Variants in KIRREL3 observed in about 807,000 individuals in gnomAD.
KIRREL3 encodes the protein kin of IRRE-like protein 3.
A neutral mutation model predicts 89.7 loss-of-function variants in KIRREL3; 36 were observed. The ratio of observed to expected loss-of-function variants is 0.40; its 90% CI spans 0.31 to 0.53. The LOEUF (loss-of-function observed/expected upper bound fraction) is 0.53, where lower values mean the gene tolerates loss of function less well. KIRREL3 is among the 20% of genes least tolerant of loss of function. The pLI is 0.49. For synonymous variants in KIRREL3, 445 were observed against 441.4 expected, an observed-to-expected ratio of 1.01 and a Z score of -0.10; for missense variants, 864 against 1,056.6, an observed-to-expected ratio of 0.82 and a Z score of 2.53.
rs113972094 is a variant in KIRREL3, at chr11:126,492,932, G to A, written c.434-19466C>T. Reference sequence around the variant, plus strand: ...GTGGAGGAATTAAGTTAGACATGCCGCAGAACTTCCTGGCCGTGGGCTGAG... The same window carrying A: ...GTGGAGGAATTAAGTTAGACATGCCACAGAACTTCCTGGCCGTGGGCTGAG... On this transcript the variant is annotated intron_variant, in intron 4 of 16. Coordinates refer to ENST00000525144, the MANE Select transcript of KIRREL3 (RefSeq NM_032531.4). This position sits in a 1 kb window ranked among gnomAD's most constrained non-coding sequence, Gnocchi z 4.8. Among the ~76,000 whole-genome samples, 1 of 152,206 alleles carries A rather than the reference G, an allele frequency of 6.6e-6. No individual in the cohort carries two copies. Among genetic ancestry groups the A allele is most frequent in the Non-Finnish European group, 1.5e-5 (1 of 68,038 alleles).
intron 1 of KIRREL3, among the ~76,000 whole-genome samples, chr11:126,644,308 G>A (rs1012222519): frequency 7.2e-5 from 11 of 152,198 alleles, no homozygotes; most frequent in African/African-American, 2.7e-4. Context: ...GAGCCACCAA[G>A]GGAAGTGGGA....
rs1944889889 is a variant in KIRREL3, at chr11:126,651,074, T to A, written c.56-88162A>T. On this transcript the variant is annotated intron_variant, in intron 1 of 16. Transcript: ENST00000525144. This position sits in a 1 kb window ranked among gnomAD's most constrained non-coding sequence, Gnocchi z 4.6. The stretch of plus-strand genomic sequence containing the variant: ...GGGGAAACCACCCCCATGATTCAAA[T>A]TATCTCCCACCGGGTCCCTCCCACA... Among the ~76,000 whole-genome samples, 1 of 152,102 alleles carries A rather than the reference T, an allele frequency of 6.6e-6. No individual in the cohort carries two copies. Among genetic ancestry groups the A allele is most frequent in the Admixed American group, 6.6e-5 (1 of 15,266 alleles).
chr11:126,848,467 C>T (rs1050530680), intron 1 of KIRREL3, among the ~76,000 whole-genome samples: 3 of 152,124 alleles, frequency 2.0e-5, no homozygotes, highest in African/African-American at 7.2e-5. Flanking sequence ...CCGCTTATTC[C>T]TGTAAACCAA....
chr11:126,841,792 T>C (rs186136660), intron 1 of KIRREL3, among the ~76,000 whole-genome samples: 156 of 152,344 alleles, frequency 1.0e-3, no homozygotes, highest in Non-Finnish European at 1.7e-3. Flanking sequence ...TTGGCAGTGG[T>C]CTTCTGAATC....
Position 126,480,037 on chromosome 11 carries a change from T to C in KIRREL3, c.434-6571A>G, listed in dbSNP as rs1370315346. On this transcript the variant is annotated intron_variant, in intron 4 of 16. Transcript: ENST00000525144. ...CACATCCTATGGAAATCTCTCTGTG[T>C]GTGTCTCTTCCCTGAACCATGATCT... 5.3e-5 allele frequency among the ~76,000 whole-genome samples: 8 copies of C among 152,310 alleles called. No individual in the cohort carries two copies. In the East Asian group the frequency reaches 1.5e-3, roughly 29 times the overall value.
intron 1 of KIRREL3, among the ~76,000 whole-genome samples, chr11:126,630,807 G>A (rs1943987919): frequency 6.6e-6 from 1 of 152,118 alleles, no homozygotes. Context: ...ACAGGGCGCT[G>A]AACTCCAGTT....
rs951113467 is a variant in KIRREL3, at chr11:126,755,045, A to G, written c.56-192133T>C. ...TTTAAATTGGGCCCAAGGAACCCAG[A>G]TAAGAGTATCTTAATCAAATAAAAA... On this transcript the variant is annotated intron_variant, in intron 1 of 16. Coordinates refer to ENST00000525144, the MANE Select transcript of KIRREL3 (RefSeq NM_032531.4). This position sits in a 1 kb window ranked among gnomAD's most constrained non-coding sequence, Gnocchi z 4.3. 6.6e-6 allele frequency among the ~76,000 whole-genome samples: 1 copy of G among 152,208 alleles called. No individual in the cohort carries two copies. The highest frequency in any genetic ancestry group is 2.4e-5 in the African/African-American group (1 of 41,452).
Position 126,996,393 on chromosome 11 carries a change from C to T in KIRREL3, c.55+4062G>A, listed in dbSNP as rs1950179623. 6.6e-6 allele frequency among the ~76,000 whole-genome samples: 1 copy of T among 152,168 alleles called. No individual in the cohort carries two copies. The highest frequency in any genetic ancestry group is 1.5e-5 in the Non-Finnish European group (1 of 68,026). Reference sequence around the variant, plus strand: ...CTTTGTTTGCTGATTCCTTCTCTGCCTGTACCCCCTATGATCCCTCCATTC... The same window carrying T: ...CTTTGTTTGCTGATTCCTTCTCTGCTTGTACCCCCTATGATCCCTCCATTC... On this transcript the variant is annotated intron_variant, in intron 1 of 16. Coordinates refer to ENST00000525144, the MANE Select transcript of KIRREL3 (RefSeq NM_032531.4). This position sits in a 1 kb window ranked among gnomAD's most constrained non-coding sequence, Gnocchi z 4.7.
At position 126,696,088 on chromosome 11, in the gene KIRREL3, T is replaced by A. The variant is rs1349260358; in HGVS notation, c.56-133176A>T. Among the ~76,000 whole-genome samples the A allele has an allele frequency of 6.6e-6, 1 of 151,814 alleles. No individual in the cohort carries two copies. The highest frequency in any genetic ancestry group is 1.5e-5 in the Non-Finnish European group (1 of 67,946). On this transcript the variant is annotated intron_variant, in intron 1 of 16. Coordinates refer to ENST00000525144, the MANE Select transcript of KIRREL3 (RefSeq NM_032531.4). The surrounding 1 kb of genome is among the most constrained non-coding windows in gnomAD (Gnocchi z 4.4). ...GACCAACATGGTGAAACCCCATCTCTACTAAAAATACAAAAAAAATTAGCC... is the reference window on the plus strand; with the variant it reads ...GACCAACATGGTGAAACCCCATCTCAACTAAAAATACAAAAAAAATTAGCC...
intron 1 of KIRREL3, among the ~76,000 whole-genome samples, chr11:126,757,440 G>T (rs1444111664): frequency 6.6e-6 from 1 of 152,172 alleles, no homozygotes; most frequent in East Asian, 1.9e-4. Flanking sequence ...AAATCTTTGG[G>T]CATTTCCTAA....
intron 1 of KIRREL3, among the ~76,000 whole-genome samples, chr11:126,889,826 T>A (rs1721274551): frequency 6.6e-6 from 1 of 152,200 alleles, no homozygotes; most frequent in Admixed American, 6.5e-5. Flanking sequence ...GAAATTAAAT[T>A]AGCTTTTTTT....
At position 126,723,651 on chromosome 11, in the gene KIRREL3, A is replaced by G. The variant is rs1028052595; in HGVS notation, c.56-160739T>C. 6.6e-6 allele frequency among the ~76,000 whole-genome samples: 1 copy of G among 152,236 alleles called. No homozygotes were observed. Among genetic ancestry groups the G allele is most frequent in the Non-Finnish European group, 1.5e-5 (1 of 68,042 alleles). On this transcript the variant is annotated intron_variant, in intron 1 of 16. Transcript: ENST00000525144. This position sits in a 1 kb window ranked among gnomAD's most constrained non-coding sequence, Gnocchi z 4.0. ...TCTATACTGTAAGATTTTTGAAAGC[A>G]GTGACTGTGTCATTCTTTTATATTC...
chr11:126,846,856 A>G (rs1944160053), intron 1 of KIRREL3, among the ~76,000 whole-genome samples: 1 of 152,314 alleles, frequency 6.6e-6, no homozygotes, highest in East Asian at 1.9e-4. Flanking sequence ...AAAGATTTGT[A>G]AAAAAATTAG....
In KIRREL3 at chr11:126,710,373, C is replaced by T. The variant is rs906249740; in HGVS notation, c.56-147461G>A. On this transcript the variant is annotated intron_variant, in intron 1 of 16. Coordinates refer to ENST00000525144, the MANE Select transcript of KIRREL3 (RefSeq NM_032531.4). The surrounding 1 kb of genome is among the most constrained non-coding windows in gnomAD (Gnocchi z 4.2). The stretch of plus-strand genomic sequence containing the variant: ...CATTCTTCCCATTGAGCCCTCTCCT[C>T]TTCCTGTTGAAGTTCAGCGTGGTTC... Among the ~76,000 whole-genome samples the T allele has an allele frequency of 6.6e-6, 1 of 152,222 alleles. No individual in the cohort carries two copies. The highest frequency in any genetic ancestry group is 2.4e-5 in the African/African-American group (1 of 41,468).
chr11:126,447,658 T>G (rs926872216), intron 8 of KIRREL3, among the ~76,000 whole-genome samples: 3 of 152,042 alleles, frequency 2.0e-5, no homozygotes, highest in Admixed American at 1.3e-4. Context: ...AGACCAAGCT[T>G]GGTCTACACA....
intron 7 of KIRREL3, among the ~76,000 whole-genome samples, chr11:126,450,961 G>T (rs893720476): frequency 6.6e-6 from 1 of 151,118 alleles, no homozygotes; most frequent in Non-Finnish European, 1.5e-5. Flanking sequence ...ATGTGTGAGC[G>T]TGTGCATGCA....
chr11:126,648,781 G>A (rs1944793212), intron 1 of KIRREL3, among the ~76,000 whole-genome samples: 1 of 152,130 alleles, frequency 6.6e-6, no homozygotes, highest in African/African-American at 2.4e-5. Context: ...AATAAATAAT[G>A]AGCTATGTTT....
At chr11:126,806,918 T>C (rs1376037301) in intron 1 of KIRREL3, among the ~76,000 whole-genome samples, 3 of 151,968 alleles carry the variant, frequency 2.0e-5, no homozygotes, top group Non-Finnish European at 4.4e-5. Flanking sequence ...CACTTATGAG[T>C]GAGAACATGT....
At chr11:126,711,469 T>C (rs1401786078) in intron 1 of KIRREL3, among the ~76,000 whole-genome samples, 2 of 151,930 alleles carry the variant, frequency 1.3e-5, no homozygotes, top group African/African-American at 4.8e-5. Context: ...GGCTGAGGCA[T>C]GAGAATCACT....
Sources: gnomAD v4.1 joint callset for allele counts (sites outside exome capture counted in the v4.1 genomes callset) on GRCh38, gnomAD v4.1.1 for gene constraint, Gnocchi (gnomAD v3.1) non-coding constraint, MANE v1.5 for transcripts, NCBI Gene and HGNC (gene_info 2026-07-23, HGNC 2026-07-21) for gene names.